The following LY75 variants were observed in gnomAD, a reference collection of about 807,000 sequenced individuals.
The protein encoded by LY75 is lymphocyte antigen 75.
In LY75, 185 loss-of-function variants were observed where a neutral mutation model predicts 231.7. The ratio of observed to expected loss-of-function variants is 0.80; its 90% CI spans 0.71 to 0.90. LY75 has a LOEUF of 0.90. Ranked by LOEUF, LY75 falls within the 40% of genes least tolerant of loss-of-function variation. LY75 has a pLI of 0.00. For synonymous variants in LY75, 668 were observed against 689.0 expected, an observed-to-expected ratio of 0.97 and a Z score of 0.48; for missense variants, 1,947 against 2,050.2, an observed-to-expected ratio of 0.95 and a Z score of 0.97.
chr2:159,829,836 G>T (rs1379084430), intron 28 of LY75, among the ~76,000 whole-genome samples: 1 of 152,134 alleles, frequency 6.6e-6, no homozygotes, highest in Non-Finnish European at 1.5e-5. Flanking sequence ...CAATAAGGGA[G>T]TCTTCTGATC....
chr2:159,893,711 T>G (rs536971452), intron 3 of LY75, among the ~76,000 whole-genome samples: 1 of 152,286 alleles, frequency 6.6e-6, no homozygotes, highest in Non-Finnish European at 1.5e-5. Context: ...CATGACACCA[T>G]CCGCCTTGGT....
At position 159,819,813 on chromosome 2, in the gene LY75, C is replaced by T. The variant is rs781108328; in HGVS notation, c.4066G>A (p.Gly1356Ser). ...TTAAAGGTTTGAATATCCCAGAAGC[C>T]GTCAGTACTTAAACCAGCCAAAAAC... ...EKFLAGLSTD[G>S]FWDIQTFKVI... Residue 1356 changes from glycine (G) to serine (S), a missense_variant, in exon 29 of 35, where the codon GGC (glycine) becomes AGC (serine). Coordinates refer to ENST00000263636, the MANE Select transcript of LY75 (RefSeq NM_002349.4). 8.7e-6 allele frequency: 14 copies of T among 1,614,060 alleles called. No individual in the cohort carries two copies. The highest frequency in any genetic ancestry group is 1.2e-5 in the Non-Finnish European group (14 of 1,179,982).
intron 11 of LY75, among the ~76,000 whole-genome samples, chr2:159,877,182 A>G (rs537754503): frequency 5.3e-5 from 8 of 152,258 alleles, no homozygotes; most frequent in Non-Finnish European, 4.4e-5. Flanking sequence ...ACTCATGTTG[A>G]TGGTGATGAC....
intron 25 of LY75, among the ~76,000 whole-genome samples, chr2:159,839,744 A>T (rs1683944258): frequency 1.3e-5 from 2 of 151,966 alleles, no homozygotes; most frequent in African/African-American, 4.8e-5. Context: ...GGTGGCTCAC[A>T]CCTCTAATCC....
At chr2:159,898,582 C>A in intron 2 of LY75, 106 bp downstream of exon 2, 1 of 1,503,252 alleles carries the variant, frequency 6.7e-7, no homozygotes, top group Non-Finnish European at 8.9e-7. Context: ...AGCTTACTCA[C>A]TGCCCTTACT....
chr2:159,815,711 CT>C, intron 30 of LY75, 138 bp from the exon 31 acceptor site: 1 of 1,064,680 alleles, frequency 9.4e-7, no homozygotes, highest in Non-Finnish European at 1.3e-6. Context: ...TCTGAACCTA[CT>C]ATTATTGTAG....
chr2:159,872,327 AC>A (rs1685039059), intron 13 of LY75, 123 bp downstream of exon 13: 1 of 1,266,782 alleles, frequency 7.9e-7, no homozygotes, highest in African/African-American at 1.5e-5. Context: ...GCACCAAATG[AC>A]CTTTTAGATA....
chr2:159,880,802 T>C lies in LY75; in HGVS notation c.1404+281A>G, dbSNP rs551690649. Among the ~76,000 whole-genome samples, 11 of 152,280 alleles carry C rather than the reference T, an allele frequency of 7.2e-5. No homozygotes were observed. The South Asian group carries it at 2.1e-3, about 29-fold the overall frequency. ...GGAAGTGCAACCTAGATCCCTTGCA[T>C]GTGCAGTTCATAATAGGGTTCACCC... On this transcript the variant is annotated intron_variant, in intron 8 of 34. Transcript: ENST00000263636.
intron 12 of LY75, among the ~76,000 whole-genome samples, chr2:159,873,704 A>C (rs1414851065): frequency 6.7e-6 from 1 of 149,416 alleles, no homozygotes; most frequent in Non-Finnish European, 1.5e-5. Flanking sequence ...TATATATATA[A>C]ATATATATAC....
chr2:159,886,941 C>A (rs1220684318), intron 4 of LY75, among the ~76,000 whole-genome samples: 1 of 151,910 alleles, frequency 6.6e-6, no homozygotes, highest in Non-Finnish European at 1.5e-5. Context: ...ATTAGGCACA[C>A]ATATTATTTG....
chr2:159,837,146 AC>A (rs1683854660), intron 25 of LY75, among the ~76,000 whole-genome samples: 1 of 152,164 alleles, frequency 6.6e-6, no homozygotes, highest in Non-Finnish European at 1.5e-5. Flanking sequence ...CTGGGTATAT[AC>A]CCAGAGGAAA....
intron 29 of LY75, among the ~76,000 whole-genome samples, chr2:159,818,457 C>G (rs778443730): frequency 3.9e-5 from 6 of 152,148 alleles, no homozygotes. Flanking sequence ...AATACATGAC[C>G]AGTGTTCCTC....
At position 159,878,344 on chromosome 2, in the gene LY75, T is replaced by C. The variant is rs772096904; in HGVS notation, c.1754A>G (p.Asn585Ser). The C allele has an allele frequency of 1.9e-5, 30 of 1,613,780 alleles. No homozygotes were observed. Among genetic ancestry groups the C allele is most frequent in the Admixed American group, 1.2e-4 (7 of 59,960 alleles). ...GGRRRAVTFS[N>S]WNFLEPASPG... is the part of the protein sequence containing the mutation. ...CTCACCTGGCTCAAGAAAATTCCAG[T>C]TGGAAAAGGTTACAGCCCGCCTTCT... Residue 585 changes from asparagine (N) to serine (S), a missense_variant, in exon 11 of 35, where the codon AAC (asparagine) becomes AGC (serine). By Grantham distance (46) the Asn-to-Ser change is conservative. Transcript: ENST00000263636.
chr2:159,901,725 T>C (rs181534865), intron 1 of LY75, among the ~76,000 whole-genome samples: 420 of 152,368 alleles, frequency 2.8e-3, no homozygotes, highest in African/African-American at 9.7e-3. Context: ...GCTACATCTC[T>C]GAATATAGAT....
intron 12 of LY75, among the ~76,000 whole-genome samples, chr2:159,873,331 C>T (rs982522554): frequency 3.3e-5 from 5 of 152,094 alleles, no homozygotes; most frequent in East Asian, 1.9e-4. Flanking sequence ...TGGCATGGGG[C>T]TTGGCCATAT....
At chr2:159,805,491 C>T (rs915302745) in intron 34 of LY75, among the ~76,000 whole-genome samples, 2 of 152,170 alleles carry the variant, frequency 1.3e-5, no homozygotes, top group African/African-American at 2.4e-5. Flanking sequence ...GACATTAATG[C>T]GCTATGATTA....
intron 9 of LY75, 144 bp from the exon 10 acceptor site, chr2:159,878,865 G>A: frequency 2.3e-6 from 2 of 879,214 alleles, no homozygotes; most frequent in Non-Finnish European, 3.4e-6. Flanking sequence ...TGTGATGAGG[G>A]TGGGATGCAA....
At chr2:159,821,446 T>C (rs1683284847) in intron 28 of LY75, among the ~76,000 whole-genome samples, 1 of 151,380 alleles carries the variant, frequency 6.6e-6, no homozygotes, top group South Asian at 2.1e-4. Flanking sequence ...TAAAACCCCA[T>C]CTCTACTAAA....
chr2:159,835,719 C>A, intron 25 of LY75, 74 bp from the exon 26 acceptor site: 2 of 1,550,946 alleles, frequency 1.3e-6, no homozygotes, highest in South Asian at 1.3e-5. Context: ...CTCCCATGGT[C>A]AATCTAATGA....
Sources: allele counts gnomAD v4.1 joint callset (sites outside exome capture counted in the v4.1 genomes callset), GRCh38; gene constraint gnomAD v4.1.1; transcripts MANE v1.5; gene names NCBI Gene and HGNC (gene_info 2026-07-23, HGNC 2026-07-21).